The following TTLL3 variants were observed in gnomAD, a reference collection of about 807,000 sequenced individuals.
TTLL3 encodes tubulin tyrosine ligase like 3, also known as tubulin monoglycylase TTLL3.
Under a neutral mutation model 75.2 loss-of-function variants are expected in TTLL3, and 63 were observed. The ratio of observed to expected loss-of-function variants is 0.84; its 90% confidence interval spans 0.68 to 1.03. The LOEUF is 1.03. Ranked by LOEUF, TTLL3 falls within the 50% of genes least tolerant of loss-of-function variation. The pLI is 0.00. For missense variants in TTLL3, 997 were observed against 1,069.9 expected, an observed-to-expected ratio of 0.93 and a Z score of 0.95; for synonymous variants, 393 against 418.5, an observed-to-expected ratio of 0.94 and a Z score of 0.74.
rs1006036597 is a variant in TTLL3 at position 9,832,228 on chromosome 3, G to A, written c.1684-876G>A. ...GACCTCCCGAGTAGCTGGGATTACA[G>A]GTGCCTGCCACCATGACCTGCTAAT... On this transcript the variant is annotated intron_variant, in intron 11 of 13. Coordinates refer to ENST00000685419, the MANE Select transcript of TTLL3 (RefSeq NM_001387446.1). 2.3e-4 allele frequency among the ~76,000 whole-genome samples: 35 copies of A among 151,834 alleles called. No homozygotes were observed. In the East Asian group the frequency reaches 5.6e-3, roughly 24 times the overall value.
In TTLL3 at chr3:9,810,634, C is replaced by A; in HGVS notation, c.-28C>A. On this transcript the variant is annotated 5_prime_UTR_variant, in exon 2 of 14. The change creates a new upstream start codon in the 5' untranslated region. Coordinates refer to ENST00000685419, the MANE Select transcript of TTLL3 (RefSeq NM_001387446.1). The surrounding 1 kb of genome is among the most constrained non-coding windows in gnomAD (Gnocchi z 4.4). ...ATCTTTCTGCAGGTTTCCCGGTCCT[C>A]TGGCGAGGATCCTCCAAGGCGTCTC... The A allele has an allele frequency of 1.3e-6, 2 of 1,571,192 alleles. No homozygotes were observed. The highest frequency in any genetic ancestry group is 1.7e-6 in the Non-Finnish European group (2 of 1,157,780).
intron 7 of TTLL3, 51 bp downstream of exon 7, chr3:9,818,971 C>A (rs760594421): frequency 6.2e-7 from 1 of 1,611,806 alleles, no homozygotes; most frequent in Non-Finnish European, 8.5e-7. Flanking sequence ...CTCCACCCAT[C>A]CGCCCTTCCA....
intron 7 of TTLL3, chr3:9,819,170 C>G (rs1431739819): frequency 1.9e-6 from 1 of 534,434 alleles, no homozygotes; most frequent in Non-Finnish European, 3.3e-6. Flanking sequence ...CTTCCATCCT[C>G]CCACCTGTCA....
intron 8 of TTLL3, among the ~76,000 whole-genome samples, chr3:9,822,738 TATATATTATA>T (rs926456710): frequency 3.5e-5 from 5 of 142,970 alleles, no homozygotes; most frequent in East Asian, 2.1e-4. Flanking sequence ...TTATGTATTA[TATATATTATA>T]ATATATATAA....
intron 11 of TTLL3, 100 bp downstream of exon 11, chr3:9,829,495 G>A: frequency 7.0e-7 from 1 of 1,438,070 alleles, no homozygotes; most frequent in Non-Finnish European, 9.2e-7. Context: ...CCCAGTTTAA[G>A]ACCCAGATTC....
chr3:9,825,824 C>G lies in TTLL3; in HGVS notation c.879C>G (p.Leu293=), dbSNP rs780165533. 3 of 1,614,020 alleles carry G rather than the reference C, an allele frequency of 1.9e-6. No individual in the cohort carries two copies. The highest frequency in any genetic ancestry group is 2.5e-6 in the Non-Finnish European group (3 of 1,180,022). Residue 293 remains leucine, a synonymous_variant, in exon 9 of 14, where the codon CTC becomes CTG. Coordinates refer to ENST00000685419, the MANE Select transcript of TTLL3 (RefSeq NM_001387446.1). ...VVHEGAELRH[L]DTQVQRCEDI... The stretch of plus-strand genomic sequence containing the variant: ...GCGAAGGGGCAGAACTCAGGCACCT[C>G]GACACTCAGGTCCAGCGCTGTGAGG...
chr3:9,816,534 T>TTTTTTTTTTTTTTTTTTA (rs1559737761), intron 5 of TTLL3, among the ~76,000 whole-genome samples: 1 of 145,222 alleles, frequency 6.9e-6, no homozygotes, highest in African/African-American at 2.5e-5. Flanking sequence ...TTTTTTTTTT[T>TTTTTTTTTTTTTTTTTTA]GAGACAGAGT....
Position 9,810,902 on chromosome 3 carries a change from T to G in TTLL3, c.48+193T>G, listed in dbSNP as rs2079293032. Among the ~76,000 whole-genome samples, 1 of 152,144 alleles carries G rather than the reference T, an allele frequency of 6.6e-6. No individual in the cohort carries two copies. The highest frequency in any genetic ancestry group is 2.4e-5 in the African/African-American group (1 of 41,436). ...CACCAAACTTCTGGGCTCCCTCCACTCTGGTTCCCTGCGATGTCCCACTCT... is the reference window on the plus strand; with the variant it reads ...CACCAAACTTCTGGGCTCCCTCCACGCTGGTTCCCTGCGATGTCCCACTCT... On this transcript the variant is annotated intron_variant, in intron 2 of 13. Transcript: ENST00000685419. This position sits in a 1 kb window ranked among gnomAD's most constrained non-coding sequence, Gnocchi z 4.4.
chr3:9,834,172 C>T, intron 12 of TTLL3: 1 of 320,554 alleles, frequency 3.1e-6, no homozygotes, highest in East Asian at 7.6e-5. Flanking sequence ...AAAGTAGTCA[C>T]TCTGCCTCAC....
At chr3:9,831,156 TAGTAA>T (rs1312760712) in intron 11 of TTLL3, among the ~76,000 whole-genome samples, 1 of 146,632 alleles carries the variant, frequency 6.8e-6, no homozygotes, top group Non-Finnish European at 1.5e-5. Flanking sequence ...GGCCAGCACA[TAGTAA>T]AGGCTTATAC....
chr3:9,829,404 G>A lies in TTLL3; in HGVS notation c.1683+9G>A, dbSNP rs1294288022. On this transcript the variant is annotated intron_variant, in intron 11 of 13. Transcript: ENST00000685419. ...AGCTCATCTATAAGCAGGTGAGGAGGTTGGGCCCAGGCAGGACCCCAGAGA... is the reference window on the plus strand; with the variant it reads ...AGCTCATCTATAAGCAGGTGAGGAGATTGGGCCCAGGCAGGACCCCAGAGA... 6.3e-7 allele frequency: 1 copy of A among 1,575,434 alleles called. No individual in the cohort carries two copies. The highest frequency in any genetic ancestry group is 8.6e-7 in the Non-Finnish European group (1 of 1,157,590).
intron 11 of TTLL3, among the ~76,000 whole-genome samples, chr3:9,831,450 C>A (rs758802214): frequency 5.3e-5 from 8 of 152,230 alleles, no homozygotes; most frequent in Non-Finnish European, 8.8e-5. Flanking sequence ...CATCACAAGG[C>A]ACATCCTGTG....
intron 6 of TTLL3, 86 bp from the exon 7 acceptor site, chr3:9,818,736 A>C: frequency 6.2e-7 from 1 of 1,603,504 alleles, no homozygotes; most frequent in Non-Finnish European, 8.5e-7. Flanking sequence ...CTGGATCCAA[A>C]ATGGGGCAAG....
intron 6 of TTLL3, 79 bp from the exon 7 acceptor site, chr3:9,818,742 GC>G: frequency 6.2e-7 from 1 of 1,605,996 alleles, no homozygotes; most frequent in Non-Finnish European, 8.5e-7. Flanking sequence ...CCAAAATGGG[GC>G]AAGTCATGAT....
At position 9,818,839 on chromosome 3, in the gene TTLL3, G is replaced by T; in HGVS notation, c.577G>T (p.Ala193Ser). ...KAFIEDFWLT[A>S]ARNVLKLVVK... ...GGGAGCAGAGGACTTCTGGCTGACTGCTGCCCGCAACGTTCTCAAGCTGGT... is the reference window on the plus strand; with the variant it reads ...GGGAGCAGAGGACTTCTGGCTGACTTCTGCCCGCAACGTTCTCAAGCTGGT... Residue 193 changes from alanine to serine, a missense_variant, in exon 7 of 14, where the codon GCT becomes TCT. Coordinates refer to ENST00000685419, the MANE Select transcript of TTLL3 (RefSeq NM_001387446.1). The T allele has an allele frequency of 6.2e-7, 1 of 1,614,140 alleles. No individual in the cohort carries two copies. Among genetic ancestry groups the T allele is most frequent in the Non-Finnish European group, 8.5e-7 (1 of 1,180,014 alleles).
Position 9,835,806 on chromosome 3 carries a change from A to C in TTLL3, c.*317A>C. The C allele has an allele frequency of 3.2e-6, 1 of 317,014 alleles. No individual in the cohort carries two copies. 19.6% of individuals were successfully genotyped at this position (317,014 alleles called of 1,614,324 possible). A position where few individuals can be genotyped will look rare whatever the true frequency, so the allele number is the denominator to read the frequency against. The stretch of plus-strand genomic sequence containing the variant: ...TTAATGCCATGAGACAGGGGAAGGA[A>C]TTGGCCTTGCCTAAACCTCAGCCCT... On this transcript the variant is annotated 3_prime_UTR_variant, in exon 14 of 14. Transcript: ENST00000685419.
At chr3:9,809,883 C>T (rs1426238851), upstream of TTLL3, 7 of 721,334 alleles carry the variant, frequency 9.7e-6, no homozygotes, top group Non-Finnish European at 1.2e-5. Flanking sequence ...CAATAGCAAA[C>T]GGGGCGGGGC....
intron 2 of TTLL3, among the ~76,000 whole-genome samples, chr3:9,812,163 AG>A (rs2079414107): frequency 6.6e-6 from 1 of 152,120 alleles, no homozygotes; most frequent in Non-Finnish European, 1.5e-5. Flanking sequence ...ACTTGAGGCC[AG>A]GAGTTGGAGA....
At chr3:9,833,911 G>C (rs1451585977) in intron 12 of TTLL3, among the ~76,000 whole-genome samples, 3 of 151,928 alleles carry the variant, frequency 2.0e-5, no homozygotes, top group Middle Eastern at 3.2e-3. Context: ...AGGAGTTCGA[G>C]ACCAGCCTGG....
Sources: allele counts gnomAD v4.1 joint callset (sites outside exome capture counted in the v4.1 genomes callset), GRCh38; gene constraint gnomAD v4.1.1; non-coding constraint Gnocchi (gnomAD v3.1); transcripts MANE v1.5; gene names NCBI Gene and HGNC (gene_info 2026-07-23, HGNC 2026-07-21).